Variants in PLCG2 observed in about 807,000 individuals in gnomAD.
PLCG2 encodes phospholipase C gamma 2.
In PLCG2, 69 loss-of-function variants were observed where a neutral mutation model predicts 175.6. That is an observed-to-expected ratio of 0.39 (90% confidence interval 0.32 to 0.48). The LOEUF is 0.48. Ranked by LOEUF, PLCG2 falls within the 20% of genes least tolerant of loss-of-function variation. The pLI, the probability that PLCG2 is intolerant of heterozygous loss-of-function variation, is 0.91. For synonymous variants in PLCG2, 827 were observed against 624.0 expected (o/e 1.33, Z -4.85); for missense variants, 1,798 against 1,650.9 (o/e 1.09, Z -1.54).
intron 2 of PLCG2, among the ~76,000 whole-genome samples, chr16:81,811,722 G>C (rs916744261): frequency 6.6e-6 from 1 of 152,142 alleles, no homozygotes; most frequent in African/African-American, 2.4e-5. Context: ...TGGTTGCATA[G>C]TATTCCATGG....
chr16:81,750,223 C>T (rs1311790689), intron 1 of PLCG2, among the ~76,000 whole-genome samples: 2 of 152,060 alleles, frequency 1.3e-5, no homozygotes, highest in African/African-American at 2.4e-5. Flanking sequence ...GCTTGGCCAA[C>T]ATGGTGAAAT....
rs1910502673 is a variant in PLCG2 at position 81,931,537 on chromosome 16, C to T, written c.2622C>T (p.Phe874=). The T allele has an allele frequency of 4.3e-6, 7 of 1,614,110 alleles. No individual in the cohort carries two copies. The highest frequency in any genetic ancestry group is 1.3e-5 in the African/African-American group (1 of 75,026). The part of the protein sequence containing the change: ...PQGKNQKSFV[F]ILEPKQQGDP... ...GAAAAAACCAGAAGTCCTTTGTCTT[C>T]ATCCTGGAGCCCAAGCAGCAGGGCG... The change falls in exon 25 of 33, where the codon TTC becomes TTT. Residue 874 remains phenylalanine (F), a synonymous_variant. Coordinates refer to ENST00000564138, the MANE Select transcript of PLCG2 (RefSeq NM_002661.5).
chr16:81,933,782 A>G lies in PLCG2; in HGVS notation c.2740-647A>G, dbSNP rs542053126. On this transcript the variant is annotated intron_variant, in intron 25 of 32. Transcript: ENST00000564138. ...TCTCAAGGTCCCCCCTTGGCCAATA[A>G]AAGTCTGATAGAATTTGGGGAGGCC... Among the ~76,000 whole-genome samples, 96 of 152,302 alleles carry G rather than the reference A, an allele frequency of 6.3e-4. No homozygotes were observed. In the South Asian group the frequency reaches 0.02, roughly 31 times the overall value.
chr16:81,748,225 A>G (rs1909742152), intron 1 of PLCG2, among the ~76,000 whole-genome samples: 1 of 152,106 alleles, frequency 6.6e-6, no homozygotes, highest in East Asian at 1.9e-4. Flanking sequence ...CTCCATCTCT[A>G]CTAAAAATAC....
chr16:81,758,287 A>G (rs1433001544), intron 2 of PLCG2, among the ~76,000 whole-genome samples: 1 of 152,098 alleles, frequency 6.6e-6, no homozygotes, highest in Non-Finnish European at 1.5e-5. Context: ...CTCACTTAGC[A>G]TTGCATTTTC....
At chr16:81,884,973 G>A (rs1264096637) in intron 9 of PLCG2, among the ~76,000 whole-genome samples, 1 of 151,758 alleles carries the variant, frequency 6.6e-6, no homozygotes, top group Non-Finnish European at 1.5e-5. Flanking sequence ...CTGCAGCCTC[G>A]ACCTCCTGGG....
chr16:81,913,075 C>T (rs1362557898), intron 19 of PLCG2, among the ~76,000 whole-genome samples: 1 of 152,160 alleles, frequency 6.6e-6, no homozygotes, highest in Non-Finnish European at 1.5e-5. Context: ...GATTCGAGCC[C>T]AGACAGCCCA....
chr16:81,770,311 G>C (rs1013932560), intron 2 of PLCG2, among the ~76,000 whole-genome samples: 4 of 152,168 alleles, frequency 2.6e-5, no homozygotes, highest in Non-Finnish European at 5.9e-5. Context: ...TTTTGAAACA[G>C]TTTTAGTTTT....
chr16:81,906,220 C>A (rs776146910), intron 15 of PLCG2: 2 of 152,186 alleles, frequency 1.3e-5, no homozygotes, highest in Admixed American at 1.3e-4. Flanking sequence ...GTTTCAGGAT[C>A]CAGTACCCGG....
At position 81,786,099 on chromosome 16, in the gene PLCG2, C is replaced by A. The variant is rs147349332; in HGVS notation, c.110C>A (p.Thr37Asn). The A allele has an allele frequency of 1.0e-4, 161 of 1,614,154 alleles. 1 individual carries two copies. The African/African-American group carries it at 1.7e-3, about 17-fold the overall frequency. The change falls in exon 2 of 33, where the codon ACC becomes AAC. Residue 37 changes from threonine (T) to asparagine (N), a missense_variant. Physicochemically the swap from Thr to Asn is moderately conservative, Grantham distance 65. Coordinates refer to ENST00000564138, the MANE Select transcript of PLCG2 (RefSeq NM_002661.5). ...VMTVFSFRKS[T>N]PERRTVQVIM... is the part of the protein sequence containing the mutation. ...ACTGTGTTCAGCTTCCGCAAGTCCA[C>A]CCCCGAGCGGAGAACCGTCCAGGTG...
In PLCG2 at chr16:81,854,519, A is replaced by G. The variant is rs1906584078; in HGVS notation, c.269A>G (p.Gln90Arg). 7 of 1,613,980 alleles carry G rather than the reference A, an allele frequency of 4.3e-6. No homozygotes were observed. The highest frequency in any genetic ancestry group is 1.7e-5 in the Admixed American group (1 of 60,034). The change falls in exon 3 of 33, where the codon CAG becomes CGG. Residue 90 changes from glutamine (Q) to arginine (R), a missense_variant. Physicochemically the swap from Gln to Arg is conservative, Grantham distance 43. Transcript: ENST00000564138. Reference sequence around the variant, plus strand: ...TTCGAGCGAGCAAAAGCAGTTCGCCAGAAAGAAGACTGCTGCTTCACCATC... The same window carrying G: ...TTCGAGCGAGCAAAAGCAGTTCGCCGGAAAGAAGACTGCTGCTTCACCATC... ...KDFERAKAVR[Q>R]KEDCCFTILY...
rs78015619 is a variant in PLCG2, at chr16:81,960,947, A to T, written c.*2949A>T. 599 of 229,058 alleles carry T rather than the reference A, an allele frequency of 2.6e-3. 1 individual carries two copies. Among genetic ancestry groups the T allele is most frequent in the African/African-American group, 0.012 (547 of 45,242 alleles). The allele number at this position is 229,058 out of a possible 1,614,324, so 14.2% of individuals were successfully genotyped here. Reference sequence around the variant, plus strand: ...AAAATGCCCTTTTCTCACCTTACAAAAGAAAATATGGCTGTCTCCACCTCT... The same window carrying T: ...AAAATGCCCTTTTCTCACCTTACAATAGAAAATATGGCTGTCTCCACCTCT... On this transcript the variant is annotated 3_prime_UTR_variant, in exon 33 of 33. Transcript: ENST00000564138.
Position 81,962,667 on chromosome 16 carries a change from A to G in PLCG2, c.*4669A>G, listed in dbSNP as rs1911819467. ...CAGCTGTATCACATTTTGAAAAATAAAAGTTTCATCTGAATGAATATAGCA... is the reference window on the plus strand; with the variant it reads ...CAGCTGTATCACATTTTGAAAAATAGAAGTTTCATCTGAATGAATATAGCA... On this transcript the variant is annotated 3_prime_UTR_variant, in exon 33 of 33. Transcript: ENST00000564138. The G allele has an allele frequency of 4.6e-6, 1 of 217,862 alleles. No homozygotes were observed. The highest frequency in any genetic ancestry group is 1.8e-4 in the South Asian group (1 of 5,408). The allele number at this position is 217,862 out of a possible 1,614,324, so 13.5% of individuals were successfully genotyped here.
At chr16:81,875,300 A>C (rs1401267713) in intron 7 of PLCG2, among the ~76,000 whole-genome samples, 1 of 151,876 alleles carries the variant, frequency 6.6e-6, no homozygotes, top group Non-Finnish European at 1.5e-5. Context: ...ATTCCCCCCT[A>C]GAGGCCTGTG....
Position 81,830,542 on chromosome 16 carries a change from A to G in PLCG2, c.194-23902A>G, listed in dbSNP as rs1002292634. ...TGCTGGTCTTGGAACTCCTGACCTCAAGTGATCCATAGGCCTCAGCCTCCC... is the reference window on the plus strand; with the variant it reads ...TGCTGGTCTTGGAACTCCTGACCTCGAGTGATCCATAGGCCTCAGCCTCCC... On this transcript the variant is annotated intron_variant, in intron 2 of 32. Transcript: ENST00000564138. 9.9e-5 allele frequency among the ~76,000 whole-genome samples: 15 copies of G among 152,188 alleles called. No individual in the cohort carries two copies. In the East Asian group the frequency reaches 2.7e-3, roughly 27 times the overall value.
chr16:81,832,631 A>G (rs1184037020), intron 2 of PLCG2, among the ~76,000 whole-genome samples: 3 of 152,210 alleles, frequency 2.0e-5, no homozygotes, highest in Non-Finnish European at 4.4e-5. Context: ...CTTAAACTGC[A>G]GAGCTGAAGC....
chr16:81,908,714 T>G (rs1427982716), intron 17 of PLCG2, 123 bp downstream of exon 17: 19 of 808,006 alleles, frequency 2.4e-5, no homozygotes, highest in Non-Finnish European at 3.1e-5. Context: ...CAGGCTTCAT[T>G]TGTCTAGCTC....
intron 2 of PLCG2, among the ~76,000 whole-genome samples, chr16:81,852,671 A>G (rs555955985): frequency 1.3e-5 from 2 of 152,164 alleles, no homozygotes; most frequent in Non-Finnish European, 2.9e-5. Context: ...TCTGTTATCT[A>G]TTGCTATACA....
rs1408446013 is a variant in PLCG2 at position 81,867,705 on chromosome 16, T to G, written c.480-1509T>G. On this transcript the variant is annotated intron_variant, in intron 5 of 32. Transcript: ENST00000564138. Reference sequence around the variant, plus strand: ...CTCCCTTGCTTCCCTCCCTTTTCTTTTTTATTTTTGGAGATGGAGTCTTGC... The same window carrying G: ...CTCCCTTGCTTCCCTCCCTTTTCTTGTTTATTTTTGGAGATGGAGTCTTGC... Among the ~76,000 whole-genome samples the G allele has an allele frequency of 2.0e-5, 3 of 152,168 alleles. No individual in the cohort carries two copies. In the East Asian group the frequency reaches 5.8e-4, roughly 29 times the overall value.
Sources: gnomAD v4.1 joint callset for allele counts (sites outside exome capture counted in the v4.1 genomes callset) on GRCh38, gnomAD v4.1.1 for gene constraint, MANE v1.5 for transcripts, NCBI Gene and HGNC (gene_info 2026-07-23, HGNC 2026-07-21) for gene names.